Variants in HDAC9 observed in about 807,000 individuals in gnomAD.
HDAC9 encodes the protein histone deacetylase 9, also known as MEF-2 interacting transcription repressor (MITR) protein.
HDAC9 carries 41 observed loss-of-function variants against 139.4 expected under a neutral mutation model. The observed-to-expected ratio is 0.29, with a 90% confidence interval of 0.23 to 0.38. The LOEUF (loss-of-function observed/expected upper bound fraction) is 0.38, where lower values mean the gene tolerates loss of function less well. HDAC9 is among the 10% of genes least tolerant of loss of function. HDAC9 has a pLI of 1.00. For missense variants in HDAC9, 1,147 were observed against 1,297.0 expected (o/e 0.88, Z 1.78); for synonymous variants, 517 against 476.2 (o/e 1.09, Z -1.12).
At chr7:18,778,912 C>T (rs972878007) in intron 16 of HDAC9, among the ~76,000 whole-genome samples, 1 of 152,030 alleles carries the variant, frequency 6.6e-6, no homozygotes, top group African/African-American at 2.4e-5. Flanking sequence ...TTGATCATAC[C>T]GGGAGATGGT....
At chr7:18,328,853 A>AT (rs1800677209) in intron 1 of HDAC9, among the ~76,000 whole-genome samples, 1 of 151,842 alleles carries the variant, frequency 6.6e-6, no homozygotes, top group African/African-American at 2.4e-5. Context: ...CTCCTCTTCA[A>AT]TTTTTTAATA....
intron 21 of HDAC9, among the ~76,000 whole-genome samples, chr7:18,851,015 A>G (rs2129223669): frequency 6.6e-6 from 1 of 152,202 alleles, no homozygotes; most frequent in East Asian, 1.9e-4. Flanking sequence ...GTGAATTTAT[A>G]GGGGACACAT....
chr7:18,329,027 A>G (rs1446372815), intron 1 of HDAC9, among the ~76,000 whole-genome samples: 2 of 151,728 alleles, frequency 1.3e-5, no homozygotes, highest in African/African-American at 4.8e-5. Flanking sequence ...TTCCTGGTTC[A>G]GTCTTGGTAG....
intron 12 of HDAC9, among the ~76,000 whole-genome samples, chr7:18,676,247 G>C (rs535439410): frequency 5.2e-4 from 79 of 151,984 alleles, no homozygotes; most frequent in Non-Finnish European, 7.9e-4. Context: ...AGCAGTGCGG[G>C]GTTGTATATG....
At chr7:18,691,773 A>C (rs919778990) in intron 12 of HDAC9, among the ~76,000 whole-genome samples, 4 of 152,090 alleles carry the variant, frequency 2.6e-5, no homozygotes, top group African/African-American at 4.8e-5. Flanking sequence ...CAATAGATAG[A>C]ATTCAAGCTA....
chr7:18,151,927 A>G (rs1786810205), intron 1 of HDAC9: 1 of 152,230 alleles, frequency 6.6e-6, no homozygotes, highest in Non-Finnish European at 1.5e-5. Context: ...CACTGAGCGT[A>G]GTAGCTATGA....
chr7:18,777,733 G>T (rs1349550354), intron 16 of HDAC9, among the ~76,000 whole-genome samples: 1 of 151,864 alleles, frequency 6.6e-6, no homozygotes, highest in African/African-American at 2.4e-5. Context: ...GACCCCAGTG[G>T]TATTCAGAGG....
intron 22 of HDAC9, among the ~76,000 whole-genome samples, chr7:18,900,420 A>G (rs957148120): frequency 5.9e-5 from 9 of 152,176 alleles, no homozygotes; most frequent in African/African-American, 2.2e-4. Context: ...GTGGCTAAAC[A>G]CACAAATGCC....
intron 24 of HDAC9, among the ~76,000 whole-genome samples, chr7:18,967,620 C>T (rs11983879): frequency 0.023 from 3,550 of 151,096 alleles, 128 homozygotes; most frequent in African/African-American, 0.082. Flanking sequence ...ATCTAAAGTT[C>T]GGTGGAACAT....
chr7:18,570,997 C>G (rs968969135), intron 2 of HDAC9, among the ~76,000 whole-genome samples: 1 of 152,172 alleles, frequency 6.6e-6, no homozygotes, highest in African/African-American at 2.4e-5. Flanking sequence ...CAAAACTCAC[C>G]TATTTTAAAA....
chr7:18,356,373 T>G (rs1200551361), intron 1 of HDAC9, among the ~76,000 whole-genome samples: 14 of 144,394 alleles, frequency 9.7e-5, no homozygotes, highest in African/African-American at 3.3e-4. Flanking sequence ...TTTTTTTTTT[T>G]TTTTTTTTTT....
chr7:18,631,306 A>C (rs891186240), intron 7 of HDAC9, among the ~76,000 whole-genome samples: 1 of 152,092 alleles, frequency 6.6e-6, no homozygotes, highest in Non-Finnish European at 1.5e-5. Flanking sequence ...ATTTATTAGA[A>C]AGACATTTCT....
At chr7:18,523,675 T>G (rs1299155528) in intron 2 of HDAC9, among the ~76,000 whole-genome samples, 3 of 152,174 alleles carry the variant, frequency 2.0e-5, no homozygotes, top group Non-Finnish European at 4.4e-5. Flanking sequence ...TACATAATTA[T>G]GTAATTGGTT....
chr7:18,536,800 C>T (rs1191420642), intron 2 of HDAC9, among the ~76,000 whole-genome samples: 2 of 152,114 alleles, frequency 1.3e-5, no homozygotes, highest in Non-Finnish European at 2.9e-5. Context: ...CCATAAGCCT[C>T]TGTAAATTCA....
chr7:18,355,948 G>A (rs1393819093), intron 1 of HDAC9, among the ~76,000 whole-genome samples: 1 of 152,070 alleles, frequency 6.6e-6, no homozygotes, highest in African/African-American at 2.4e-5. Context: ...CTGGCTAGAG[G>A]GATCTTACTG....
intron 2 of HDAC9, among the ~76,000 whole-genome samples, chr7:18,563,729 C>A (rs1821347203): frequency 6.6e-6 from 1 of 152,012 alleles, no homozygotes; most frequent in South Asian, 2.1e-4. Flanking sequence ...CACCCAACCC[C>A]CCCCATGAAC....
chr7:18,861,198 A>G (rs147917180), intron 21 of HDAC9, among the ~76,000 whole-genome samples: 206 of 152,228 alleles, frequency 1.4e-3, no homozygotes, highest in Middle Eastern at 6.8e-3. Flanking sequence ...GGGAAGGGAC[A>G]TATATAATTA....
At chr7:18,567,147 T>A (rs1012111204) in intron 2 of HDAC9, among the ~76,000 whole-genome samples, 40 of 152,332 alleles carry the variant, frequency 2.6e-4, no homozygotes, top group African/African-American at 8.2e-4. Flanking sequence ...TCCTGCAGCA[T>A]GCCAAATTTA....
intron 22 of HDAC9, among the ~76,000 whole-genome samples, chr7:18,880,004 A>T (rs1299978900): frequency 6.6e-6 from 1 of 152,302 alleles, no homozygotes; most frequent in South Asian, 2.1e-4. Context: ...AAAGGACATG[A>T]ACAGACATTT....
Sources: gnomAD v4.1 joint callset for allele counts (sites outside exome capture counted in the v4.1 genomes callset) on GRCh38, gnomAD v4.1.1 for gene constraint, MANE v1.5 for transcripts, NCBI Gene and HGNC (gene_info 2026-07-23, HGNC 2026-07-21) for gene names.